Variants in SNAP91 observed in about 807,000 individuals in gnomAD.
The protein encoded by SNAP91 is synaptosome associated protein 91, also known as clathrin coat assembly protein AP180.
In SNAP91, 27 loss-of-function variants were observed where a neutral mutation model predicts 100.3. The observed-to-expected ratio is 0.27, with a 90% CI of 0.20 to 0.37. SNAP91 has a LOEUF of 0.37. Among genes scored for constraint, SNAP91 ranks in the 10% least tolerant of loss-of-function variants. The probability of loss-of-function intolerance (pLI) is 1.00; values close to 1 mark genes in which losing one functional copy is unlikely to be tolerated. For missense variants in SNAP91, 986 were observed against 1,123.7 expected, an observed-to-expected ratio of 0.88 and a Z score of 1.75; for synonymous variants, 404 against 398.6, an observed-to-expected ratio of 1.01 and a Z score of -0.16.
intron 26 of SNAP91, among the ~76,000 whole-genome samples, chr6:83,565,632 G>T (rs1319837733): frequency 1.3e-5 from 2 of 151,936 alleles, no homozygotes; most frequent in Non-Finnish European, 2.9e-5. Context: ...TAGGAAAAAA[G>T]AATTTTTCCT....
intron 8 of SNAP91, among the ~76,000 whole-genome samples, chr6:83,637,457 G>A (rs977027113): frequency 1.3e-5 from 2 of 152,226 alleles, no homozygotes; most frequent in African/African-American, 2.4e-5. Flanking sequence ...GTATACGCAA[G>A]TGGAAAAGTG....
chr6:83,602,202 C>G (rs962945237), intron 14 of SNAP91, among the ~76,000 whole-genome samples: 2 of 152,080 alleles, frequency 1.3e-5, no homozygotes, highest in African/African-American at 2.4e-5. Flanking sequence ...GGGTTCATCA[C>G]CAGCCTGTAG....
At chr6:83,575,714 T>C in intron 25 of SNAP91, 1 of 291,424 alleles carries the variant, frequency 3.4e-6, no homozygotes, top group Non-Finnish European at 6.2e-6. Flanking sequence ...TAGCTAGAAC[T>C]ATGGTAATGA....
intron 2 of SNAP91, among the ~76,000 whole-genome samples, chr6:83,668,091 T>C (rs1028001371): frequency 5.3e-5 from 8 of 152,110 alleles, no homozygotes; most frequent in Admixed American, 4.6e-4. Context: ...TGCTCATCAT[T>C]ACTGGCCATC....
rs1048186763 is a variant in SNAP91 at position 83,617,144 on chromosome 6, A to C, written c.808-105T>G. 35 of 605,020 alleles carry C rather than the reference A, an allele frequency of 5.8e-5. No individual in the cohort carries two copies. In the African/African-American group the frequency reaches 6.7e-4, roughly 12 times the overall value. 37.5% of individuals were successfully genotyped at this position (605,020 alleles called of 1,614,324 possible). ...GGTGGAAGTCTGTGGATGGACCCCG[A>C]TATATATGTGAGATAATTTAATTGC... On this transcript the variant is annotated intron_variant, in intron 9 of 29. Transcript: ENST00000369694.
rs559915500 is a variant in SNAP91, at chr6:83,584,507, GA to G, written c.2015-2152del. The stretch of plus-strand genomic sequence containing the variant: ...AGGTGAATAAATAAAGCTGTTCACT[GA>G]AAAAAAAAAATAGTGCCTTCTCTAA... On this transcript the variant is annotated intron_variant, in intron 22 of 29. Coordinates refer to ENST00000369694, the MANE Select transcript of SNAP91 (RefSeq NM_001242792.2). 1.8e-3 allele frequency among the ~76,000 whole-genome samples: 270 copies of G among 146,458 alleles called. 2 individuals are homozygous for G. The highest frequency in any genetic ancestry group is 0.014 in the East Asian group (69 of 5,032).
intron 10 of SNAP91, 106 bp from the exon 11 acceptor site, chr6:83,614,968 G>T: frequency 1.2e-6 from 1 of 844,836 alleles, no homozygotes; most frequent in Non-Finnish European, 1.8e-6. Flanking sequence ...GTTCAAATGT[G>T]GTTTTAGCCA....
At chr6:83,599,347 G>A (rs188206283) in intron 16 of SNAP91, among the ~76,000 whole-genome samples, 17 of 152,230 alleles carry the variant, frequency 1.1e-4, no homozygotes, top group Admixed American at 6.5e-4. Context: ...CAGCTAAGGC[G>A]TAGAAATGTT....
intron 26 of SNAP91, among the ~76,000 whole-genome samples, 181 bp from the exon 27 acceptor site, chr6:83,561,128 G>A (rs1011654369): frequency 1.1e-4 from 16 of 152,116 alleles, no homozygotes; most frequent in Non-Finnish European, 1.9e-4. Context: ...CTGCAGCCTC[G>A]AACTCCTGGA....
In SNAP91 at chr6:83,580,516, G is replaced by A. The variant is rs947796597; in HGVS notation, c.2233C>T (p.Pro745Ser). Residue 745 changes from proline to serine, a missense_variant, in exon 24 of 30, where the codon CCT (proline) becomes TCT (serine). By Grantham distance (74) the Pro-to-Ser change is moderately conservative. Coordinates refer to ENST00000369694, the MANE Select transcript of SNAP91 (RefSeq NM_001242792.2). Reference protein sequence around the residue: ...PAPVSMVPPSPAMAASKALGS... With the variant: ...PAPVSMVPPSSAMAASKALGS... ...AGGGCTTTGCTGGCTGCCATTGCAG[G>A]ACTGGGTGGTACCATTGAGACAGGT... is the stretch of plus-strand genomic sequence containing the variant. 1 of 1,613,942 alleles carries A rather than the reference G, an allele frequency of 6.2e-7. No individual in the cohort carries two copies. Among genetic ancestry groups the A allele is most frequent in the South Asian group, 1.1e-5 (1 of 91,076 alleles).
chr6:83,658,061 C>T (rs184865863), intron 6 of SNAP91, among the ~76,000 whole-genome samples: 1 of 151,406 alleles, frequency 6.6e-6, no homozygotes, highest in Non-Finnish European at 1.5e-5. Context: ...GGATTACAGG[C>T]GTGAGCCATG....
At position 83,709,005 on chromosome 6, in the gene SNAP91, C is replaced by G. The variant is rs1418752732; in HGVS notation, c.-191G>C. 6.6e-6 allele frequency: 1 copy of G among 152,178 alleles called. No individual in the cohort carries two copies. Among genetic ancestry groups the G allele is most frequent in the Non-Finnish European group, 1.5e-5 (1 of 68,284 alleles). 9.4% of individuals were successfully genotyped at this position (152,178 alleles called of 1,614,324 possible). On this transcript the variant is annotated 5_prime_UTR_variant, in exon 1 of 30. Coordinates refer to ENST00000369694, the MANE Select transcript of SNAP91 (RefSeq NM_001242792.2). ...CCGCTCCTCAGCTCCGCGGTCCCGG[C>G]GCCCACCGCCCCTGGCCCCTGGCCC...
intron 5 of SNAP91, 45 bp downstream of exon 5, chr6:83,661,457 A>G (rs746613155): frequency 8.1e-6 from 10 of 1,231,746 alleles, no homozygotes; most frequent in African/African-American, 4.6e-5. Context: ...GTATGCCTCA[A>G]AGACTTATTC....
intron 8 of SNAP91, among the ~76,000 whole-genome samples, chr6:83,640,328 T>C (rs571804249): frequency 3.3e-5 from 5 of 152,296 alleles, no homozygotes; most frequent in East Asian, 3.9e-4. Context: ...ATGTCCCACA[T>C]CCACAGCATT....
At position 83,659,419 on chromosome 6, in the gene SNAP91, TTTC is replaced by T. The variant is rs1331492502; in HGVS notation, c.453-330_453-328del. Among the ~76,000 whole-genome samples the T allele has an allele frequency of 1.1e-4, 17 of 148,868 alleles. 1 individual carries two copies. The South Asian group carries it at 3.2e-3, about 28-fold the overall frequency. ...AAGGTAATAGTGTTGAAAAGTATGTTTTCTTCTTTTTTTTTTTTTTTTTTTGAG... is the reference window on the plus strand; with the variant it reads ...AAGGTAATAGTGTTGAAAAGTATGTTTTCTTTTTTTTTTTTTTTTTTTGAG... On this transcript the variant is annotated intron_variant, in intron 5 of 29. Coordinates refer to ENST00000369694, the MANE Select transcript of SNAP91 (RefSeq NM_001242792.2).
chr6:83,641,152 A>C lies in SNAP91; in HGVS notation c.709T>G (p.Tyr237Asp), dbSNP rs200507820. ...KGQCKDALEI[Y>D]KRFLTRMTRV... ...GTCATTCTAGTTAGAAATCGTTTGT[A>C]AATTTCTAGAGCATCTTTACATTGT... The change falls in exon 8 of 30, where the codon TAC becomes GAC. Residue 237 changes from tyrosine (Y) to aspartate (D), a missense_variant. Tyr to Asp is a radical substitution (Grantham distance 160). Coordinates refer to ENST00000369694, the MANE Select transcript of SNAP91 (RefSeq NM_001242792.2). 6.5e-7 allele frequency: 1 copy of C among 1,544,280 alleles called. No homozygotes were observed. The highest frequency in any genetic ancestry group is 8.7e-7 in the Non-Finnish European group (1 of 1,146,448).
chr6:83,581,284 G>C (rs1828026997), intron 23 of SNAP91, among the ~76,000 whole-genome samples: 1 of 152,060 alleles, frequency 6.6e-6, no homozygotes, highest in South Asian at 2.1e-4. Context: ...TAATAATTTT[G>C]ATTTTTTTCT....
At chr6:83,650,884 G>C (rs898650664) in intron 7 of SNAP91, among the ~76,000 whole-genome samples, 6 of 152,172 alleles carry the variant, frequency 3.9e-5, no homozygotes, top group Non-Finnish European at 7.4e-5. Flanking sequence ...AAACCCATGT[G>C]GGCCTGATGG....
chr6:83,607,329 T>TTGTGTGTGTGTG (rs61335064), intron 13 of SNAP91, among the ~76,000 whole-genome samples: 2,040 of 144,862 alleles, frequency 0.014, 40 homozygotes, highest in African/African-American at 0.044. Context: ...CCAAGTTGGG[T>TTGTGTGTGTGTG]TGTGTGTGTG....
Sources: gnomAD v4.1 joint callset for allele counts (sites outside exome capture counted in the v4.1 genomes callset) on GRCh38, gnomAD v4.1.1 for gene constraint, MANE v1.5 for transcripts, NCBI Gene and HGNC (gene_info 2026-07-23, HGNC 2026-07-21) for gene names.